The following WDPCP variants were observed in gnomAD, a reference collection of about 807,000 sequenced individuals.
WDPCP encodes WD repeat-containing and planar cell polarity effector protein fritz homolog.
Under a neutral mutation model 93.1 loss-of-function variants are expected in WDPCP, and 71 were observed. That is an observed-to-expected ratio of 0.76 (90% CI 0.63 to 0.93). WDPCP has a LOEUF of 0.93. Ranked by LOEUF, WDPCP falls within the 40% of genes least tolerant of loss-of-function variation. WDPCP has a pLI of 0.00. For synonymous variants in WDPCP, 315 were observed against 315.0 expected, an observed-to-expected ratio of 1.00 and a Z score of 0.00; for missense variants, 844 against 887.4, an observed-to-expected ratio of 0.95 and a Z score of 0.62.
At position 63,545,317 on chromosome 2, in the gene WDPCP, GTGTGTA is replaced by G. The variant is rs562042800; in HGVS notation, c.75+42874_75+42879del. Among the ~76,000 whole-genome samples, 319 of 151,592 alleles carry G rather than the reference GTGTGTA, an allele frequency of 2.1e-3. 1 individual carries two copies. Among genetic ancestry groups the G allele is most frequent in the African/African-American group, 6.9e-3 (286 of 41,214 alleles). On this transcript the variant is annotated intron_variant, in intron 1 of 17. Transcript: ENST00000272321. The stretch of plus-strand genomic sequence containing the variant: ...TGTGTGTGTGTGTGCACGTGTATGT[GTGTGTA>G]TGTGTGTGTGTGTGAGAGAGAGAGA...
At chr2:63,487,120 G>A (rs1700618424) in intron 3 of WDPCP, among the ~76,000 whole-genome samples, 1 of 151,982 alleles carries the variant, frequency 6.6e-6, no homozygotes, top group East Asian at 1.9e-4. Flanking sequence ...GAGGATCCAG[G>A]AGGCCAGCAT....
chr2:63,199,635 A>T (rs1675736976), intron 14 of WDPCP, among the ~76,000 whole-genome samples: 1 of 152,192 alleles, frequency 6.6e-6, no homozygotes, highest in African/African-American at 2.4e-5. Context: ...ATTTCAGAGG[A>T]TGTATGGAAA....
rs569709498 is a variant in WDPCP, at chr2:63,724,188, GC to G, written n.309-73351del. 2.7e-4 allele frequency among the ~76,000 whole-genome samples: 41 copies of G among 152,212 alleles called. No homozygotes were observed. In the South Asian group the frequency reaches 8.5e-3, roughly 32 times the overall value. ...TAGATACATAGTTGTTCATTGCTGT[GC>G]TGCAATTCTTACCCATAAATATATC... On this transcript the variant is annotated intron_variant and non_coding_transcript_variant, in intron 2 of 4. Coordinates refer to the WDPCP transcript ENST00000467687.
At chr2:63,183,868 T>C (rs953072054) in intron 14 of WDPCP, among the ~76,000 whole-genome samples, 1 of 152,174 alleles carries the variant, frequency 6.6e-6, no homozygotes, top group Non-Finnish European at 1.5e-5. Flanking sequence ...CTTTACATTA[T>C]ATAATGACTG....
chr2:63,669,824 G>A (rs1710324210), intron 2 of WDPCP, among the ~76,000 whole-genome samples: 1 of 152,222 alleles, frequency 6.6e-6, no homozygotes, highest in Non-Finnish European at 1.5e-5. Context: ...GTCATGGTCT[G>A]TGAATAGCAA....
At chr2:63,571,855 ACTGTTT>A (rs1333119850) in intron 1 of WDPCP, among the ~76,000 whole-genome samples, 1 of 152,112 alleles carries the variant, frequency 6.6e-6, no homozygotes, top group Non-Finnish European at 1.5e-5. Context: ...TTATTTCAGC[ACTGTTT>A]CTATTTTTCC....
At chr2:63,274,127 T>A (rs1053126762) in intron 13 of WDPCP, among the ~76,000 whole-genome samples, 5 of 152,060 alleles carry the variant, frequency 3.3e-5, no homozygotes, top group African/African-American at 7.2e-5. Flanking sequence ...CAACAAATTT[T>A]AAAAAAATCG....
rs192328760 is a variant in WDPCP, at chr2:63,515,892, C to T, written c.76-22952G>A. ...AAAATTAGCTGGGCGTGGTGGTGCA[C>T]GTCTGTAATCCCAGCTACTTGGGAG... On this transcript the variant is annotated intron_variant, in intron 1 of 17. Transcript: ENST00000272321. Among the ~76,000 whole-genome samples, 349 of 151,966 alleles carry T rather than the reference C, an allele frequency of 2.3e-3. 2 individuals are homozygous for T. Among genetic ancestry groups the T allele is most frequent in the Non-Finnish European group, 5.3e-4 (36 of 67,982 alleles).
intron 6 of WDPCP, among the ~76,000 whole-genome samples, chr2:63,460,978 C>T (rs1270392751): frequency 6.6e-6 from 1 of 152,036 alleles, no homozygotes; most frequent in East Asian, 1.9e-4. Flanking sequence ...TCTAAAACCA[C>T]AAAATAAAGG....
intron 12 of WDPCP, among the ~76,000 whole-genome samples, chr2:63,350,757 C>T (rs1689540238): frequency 1.3e-5 from 2 of 152,032 alleles, no homozygotes; most frequent in Non-Finnish European, 2.9e-5. Flanking sequence ...TGGATGTCTA[C>T]TGGCAATTTG....
chr2:63,466,619 A>T (rs1177524443), intron 6 of WDPCP, among the ~76,000 whole-genome samples: 1 of 152,216 alleles, frequency 6.6e-6, no homozygotes, highest in Non-Finnish European at 1.5e-5. Context: ...TAATTTATTA[A>T]AGTCTTCTCA....
At chr2:63,762,722 T>A (rs922466043) in intron 2 of WDPCP, among the ~76,000 whole-genome samples, 1 of 152,168 alleles carries the variant, frequency 6.6e-6, no homozygotes, top group Non-Finnish European at 1.5e-5. Context: ...CCACTGGTTC[T>A]CCTTTCATGA....
chr2:63,486,522 A>C lies in WDPCP; in HGVS notation c.253+20T>G. The C allele has an allele frequency of 6.4e-7, 1 of 1,555,866 alleles. No individual in the cohort carries two copies. Among genetic ancestry groups the C allele is most frequent in the South Asian group, 1.2e-5 (1 of 84,448 alleles). On this transcript the variant is annotated intron_variant, in intron 4 of 17. Transcript: ENST00000272321. ...CTTTACAGTTTTATAATAATTCCAA[A>C]AAATATAAAGTAAGCTTACACTCTG...
intron 1 of WDPCP, among the ~76,000 whole-genome samples, chr2:63,499,411 G>C (rs1302489125): frequency 6.6e-6 from 1 of 152,166 alleles, no homozygotes; most frequent in African/African-American, 2.4e-5. Flanking sequence ...TTGCTAGGTA[G>C]CTAATTAGGA....
intron 1 of WDPCP, among the ~76,000 whole-genome samples, chr2:63,554,941 C>A (rs955343539): frequency 2.0e-5 from 3 of 152,292 alleles, no homozygotes; most frequent in Non-Finnish European, 2.9e-5. Flanking sequence ...TGCTACCCTG[C>A]CCAAGAAACC....
At chr2:63,675,798 C>G (rs1434790914) in intron 2 of WDPCP, among the ~76,000 whole-genome samples, 1 of 152,018 alleles carries the variant, frequency 6.6e-6, no homozygotes, top group African/African-American at 2.4e-5. Flanking sequence ...CCTTCAAGAC[C>G]AAATATATGA....
At chr2:63,494,976 G>T (rs1042349103) in intron 1 of WDPCP, among the ~76,000 whole-genome samples, 27 of 151,424 alleles carry the variant, frequency 1.8e-4, no homozygotes, top group African/African-American at 6.6e-4. Context: ...AGATTAAAGT[G>T]CACAGTGGAT....
intron 17 of WDPCP, among the ~76,000 whole-genome samples, chr2:63,143,484 GT>G (rs757716045): frequency 2.6e-5 from 4 of 151,672 alleles, no homozygotes; most frequent in Admixed American, 6.6e-5. Flanking sequence ...TGCGTACTTT[GT>G]TTTTTTTGTT....
intron 13 of WDPCP, among the ~76,000 whole-genome samples, chr2:63,275,576 CAG>C (rs1458168635): frequency 2.0e-5 from 3 of 152,076 alleles, no homozygotes; most frequent in African/African-American, 4.8e-5. Context: ...ATATAAATAT[CAG>C]AGTTTCTATA....
Sources: gnomAD v4.1 joint callset for allele counts (sites outside exome capture counted in the v4.1 genomes callset) on GRCh38, gnomAD v4.1.1 for gene constraint, MANE v1.5 for transcripts, NCBI Gene and HGNC (gene_info 2026-07-23, HGNC 2026-07-21) for gene names.